KCNS3: variants seen among roughly 807,000 people sequenced by gnomAD.
KCNS3 encodes the protein delayed-rectifier potassium channel regulatory subunit KCNS3.
In KCNS3, 13 loss-of-function variants were observed where a neutral mutation model predicts 31.0. The ratio of observed to expected loss-of-function variants is 0.42; its 90% confidence interval spans 0.27 to 0.67. The LOEUF (loss-of-function observed/expected upper bound fraction) is 0.67. Among genes scored for constraint, KCNS3 ranks in the 30% least tolerant of loss-of-function variants. The pLI is 0.25. For synonymous variants in KCNS3, 238 were observed against 241.5 expected (o/e 0.99, Z 0.13); for missense variants, 545 against 622.4 (o/e 0.88, Z 1.32).
Position 17,911,150 on chromosome 2 carries a change from A to G in KCNS3, c.-251-6530A>G, listed in dbSNP as rs549267555. Among the ~76,000 whole-genome samples the G allele has an allele frequency of 7.9e-5, 12 of 152,282 alleles. No homozygotes were observed. The East Asian group carries it at 1.9e-3, about 24-fold the overall frequency. ...ACTCTACCTCTTCTGAACTTCCTCA[A>G]TACCGTCTCTGTACCTTTTCCCATG... On this transcript the variant is annotated intron_variant, in intron 1 of 2. Coordinates refer to ENST00000304101, the MANE Select transcript of KCNS3 (RefSeq NM_002252.5).
intron 2 of KCNS3, among the ~76,000 whole-genome samples, chr2:17,918,211 TA>T (rs1270829912): frequency 6.6e-6 from 1 of 152,220 alleles, no homozygotes; most frequent in Non-Finnish European, 1.5e-5. Context: ...CAGTCTGGCT[TA>T]AAATGTGTGT....
chr2:17,889,470 GA>G (rs1167759611), intron 1 of KCNS3, among the ~76,000 whole-genome samples: 3 of 152,062 alleles, frequency 2.0e-5, no homozygotes, highest in Non-Finnish European at 4.4e-5. Flanking sequence ...CTATGTTGAA[GA>G]GGAGTGGTGT....
intron 2 of KCNS3, among the ~76,000 whole-genome samples, chr2:17,925,147 C>T (rs780019887): frequency 6.6e-5 from 10 of 152,118 alleles, no homozygotes; most frequent in South Asian, 4.1e-4. Context: ...TCTAGGCCAA[C>T]GTCATTCCCA....
chr2:17,924,669 G>A (rs952523776), intron 2 of KCNS3, among the ~76,000 whole-genome samples: 6 of 141,494 alleles, frequency 4.2e-5, no homozygotes, highest in South Asian at 2.6e-4. Context: ...TGATTTACAC[G>A]TTAAGTTAAC....
chr2:17,922,681 C>T (rs1662745347), intron 2 of KCNS3, among the ~76,000 whole-genome samples: 1 of 151,976 alleles, frequency 6.6e-6, no homozygotes, highest in African/African-American at 2.4e-5. Context: ...CAGCCCCCAG[C>T]AACCACTAAT....
Position 17,932,260 on chromosome 2 carries a change from G to A in KCNS3, c.1252G>A (p.Asp418Asn), listed in dbSNP as rs1187427482. 3.7e-5 allele frequency: 60 copies of A among 1,613,804 alleles called. No homozygotes were observed. The highest frequency in any genetic ancestry group is 5.1e-5 in the Non-Finnish European group (60 of 1,179,848). Residue 418 changes from aspartate (D) to asparagine (N), a missense_variant, in exon 3 of 3, where the codon GAC (aspartate) becomes AAC (asparagine). Coordinates refer to ENST00000304101, the MANE Select transcript of KCNS3 (RefSeq NM_002252.5). Reference sequence around the variant, plus strand: ...TTCCAAGTACTACCAGAAGCAAAAGGACATTGATGTGGACCAGTGCAGTGA... The same window carrying A: ...TTCCAAGTACTACCAGAAGCAAAAGAACATTGATGTGGACCAGTGCAGTGA... ...KFSKYYQKQK[D>N]IDVDQCSEDA...
chr2:17,921,957 A>ATATATATATATATG (rs1253849162), intron 2 of KCNS3, among the ~76,000 whole-genome samples: 4 of 137,906 alleles, frequency 2.9e-5, no homozygotes, highest in Non-Finnish European at 4.7e-5. Context: ...ATATATATAT[A>ATATATATATATATG]TAAATACATA....
chr2:17,923,676 A>C (rs1301641048), intron 2 of KCNS3, among the ~76,000 whole-genome samples: 1 of 152,014 alleles, frequency 6.6e-6, no homozygotes, highest in African/African-American at 2.4e-5. Context: ...TATCCAATTT[A>C]GATTTTTTTG....
rs79289570 is a variant in KCNS3, at chr2:17,916,335, A to G, written c.-251-1345A>G. On this transcript the variant is annotated intron_variant, in intron 1 of 2. Coordinates refer to ENST00000304101, the MANE Select transcript of KCNS3 (RefSeq NM_002252.5). ...CCCAAGGACATGCCACTGAGAGGCC[A>G]TGAAGGAGGAAGAGGGAGAAAGAAG... Among the ~76,000 whole-genome samples, 23 of 152,146 alleles carry G rather than the reference A, an allele frequency of 1.5e-4. No individual in the cohort carries two copies. The East Asian group carries it at 3.7e-3, about 24-fold the overall frequency.
chr2:17,914,605 G>T (rs1430504059), intron 1 of KCNS3, among the ~76,000 whole-genome samples: 3 of 152,160 alleles, frequency 2.0e-5, no homozygotes, highest in Non-Finnish European at 2.9e-5. Context: ...CTTTAGTCTT[G>T]TTGGCTCAGG....
intron 1 of KCNS3, among the ~76,000 whole-genome samples, chr2:17,901,090 A>G (rs1662163639): frequency 6.6e-6 from 1 of 152,216 alleles, no homozygotes; most frequent in Non-Finnish European, 1.5e-5. Flanking sequence ...CAACTCAAGC[A>G]TTCTGGATCC....
In KCNS3 at chr2:17,931,122, C is replaced by T; in HGVS notation, c.114C>T (p.His38=). ...VDQSTLLRFP[H]TRLGKLLTCH... is the part of the protein sequence containing the mutation. ...AAAGCACCCTCCTGCGGTTTCCTCA[C>T]ACCAGACTGGGGAAGCTGCTTACTT... is the stretch of plus-strand genomic sequence containing the variant. Residue 38 remains histidine, a synonymous_variant, in exon 3 of 3, where the codon CAC becomes CAT. Coordinates refer to ENST00000304101, the MANE Select transcript of KCNS3 (RefSeq NM_002252.5). The surrounding 1 kb of genome is among the most constrained non-coding windows in gnomAD (Gnocchi z 5.4). The T allele has an allele frequency of 6.2e-7, 1 of 1,614,218 alleles. No individual in the cohort carries two copies. The highest frequency in any genetic ancestry group is 8.5e-7 in the Non-Finnish European group (1 of 1,180,032).
At chr2:17,888,669 AT>A in intron 1 of KCNS3, among the ~76,000 whole-genome samples, 1 of 134,272 alleles carries the variant, frequency 7.4e-6, no homozygotes, top group Non-Finnish European at 1.6e-5. Flanking sequence ...ATATATATAT[AT>A]ATAAAGAAAA....
At chr2:17,914,890 A>G (rs1358271590) in intron 1 of KCNS3, among the ~76,000 whole-genome samples, 2 of 152,126 alleles carry the variant, frequency 1.3e-5, no homozygotes, top group South Asian at 2.1e-4. Context: ...TTGGAGGGCA[A>G]CCTTACTCCT....
At chr2:17,884,776 T>C (rs983525398) in intron 1 of KCNS3, among the ~76,000 whole-genome samples, 1 of 152,124 alleles carries the variant, frequency 6.6e-6, no homozygotes, top group Non-Finnish European at 1.5e-5. Context: ...TTCTAGAACA[T>C]TAGACATTTG....
intron 1 of KCNS3, among the ~76,000 whole-genome samples, chr2:17,893,671 G>A (rs1661912805): frequency 6.6e-6 from 1 of 152,138 alleles, no homozygotes; most frequent in Non-Finnish European, 1.5e-5. Flanking sequence ...AACTTCTCCT[G>A]CAAACAGACC....
chr2:17,888,635 A>ATATATATATATC (rs1661757113), intron 1 of KCNS3, among the ~76,000 whole-genome samples: 2 of 28,508 alleles, frequency 7.0e-5, no homozygotes, highest in African/African-American at 9.8e-5. Flanking sequence ...AAATGTATAT[A>ATATATATATATC]TATATATATA....
chr2:17,890,898 G>C (rs1661838337), intron 1 of KCNS3, among the ~76,000 whole-genome samples: 1 of 152,142 alleles, frequency 6.6e-6, no homozygotes, highest in Non-Finnish European at 1.5e-5. Flanking sequence ...CGTGTATTCT[G>C]TGGTTGTTGG....
At chr2:17,902,815 G>T (rs1379868585) in intron 1 of KCNS3, among the ~76,000 whole-genome samples, 2 of 152,172 alleles carry the variant, frequency 1.3e-5, no homozygotes, top group Non-Finnish European at 2.9e-5. Flanking sequence ...TTATCAGCCA[G>T]CATCACTTCT....
Sources: gnomAD v4.1 joint callset for allele counts (sites outside exome capture counted in the v4.1 genomes callset) on GRCh38, gnomAD v4.1.1 for gene constraint, Gnocchi (gnomAD v3.1) non-coding constraint, MANE v1.5 for transcripts, NCBI Gene and HGNC (gene_info 2026-07-23, HGNC 2026-07-21) for gene names.